RB1: variants seen among roughly 807,000 people sequenced by gnomAD.
RB1 encodes the protein retinoblastoma-associated protein.
In RB1, 18 loss-of-function variants were observed where a neutral mutation model predicts 135.4. That is an observed-to-expected ratio of 0.13 (90% CI 0.09 to 0.20). The LOEUF is 0.20. Among genes scored for constraint, RB1 ranks in the 10% least tolerant of loss-of-function variants. RB1 has a pLI of 1.00. For missense variants in RB1, 868 were observed against 1,110.0 expected (o/e 0.78, Z 3.10); for synonymous variants, 365 against 373.2 (o/e 0.98, Z 0.25).
Position 48,346,956 on chromosome 13 carries a change from G to GT in RB1, c.501-858dup, listed in dbSNP as rs11352741. 4.6e-3 allele frequency among the ~76,000 whole-genome samples: 671 copies of GT among 146,990 alleles called. 4 individuals carry two copies. The highest frequency in any genetic ancestry group is 0.013 in the African/African-American group (538 of 40,364). Reference sequence around the variant, plus strand: ...TACTTTAAGATCTATAATCATCAGGGTTTTTTTTTTTCTAGATATAGAATT... The same window carrying GT: ...TACTTTAAGATCTATAATCATCAGGGTTTTTTTTTTTTCTAGATATAGAATT... On this transcript the variant is annotated intron_variant, in intron 4 of 26. Transcript: ENST00000267163.
intron 17 of RB1, among the ~76,000 whole-genome samples, chr13:48,409,874 C>T (rs187477230): frequency 6.6e-6 from 1 of 151,820 alleles, no homozygotes; most frequent in Admixed American, 6.6e-5. Context: ...CCACCGTGCC[C>T]GGCCTGAATT....
At chr13:48,329,529 G>GT (rs1464720057) in intron 2 of RB1, among the ~76,000 whole-genome samples, 1 of 152,108 alleles carries the variant, frequency 6.6e-6, no homozygotes, top group Non-Finnish European at 1.5e-5. Context: ...AAACATATAG[G>GT]TTTTTTAAAG....
chr13:48,390,774 C>G (rs1013077869), intron 17 of RB1, among the ~76,000 whole-genome samples: 1 of 152,176 alleles, frequency 6.6e-6, no homozygotes, highest in African/African-American at 2.4e-5. Flanking sequence ...ACTAGTGAAG[C>G]CATTCCAGCT....
chr13:48,348,822 A>C, intron 5 of RB1, 134 bp from the exon 6 acceptor site: 2 of 973,982 alleles, frequency 2.1e-6, no homozygotes, highest in Non-Finnish European at 2.9e-6. Flanking sequence ...AATGGACTGC[A>C]TTCTATTATG....
chr13:48,426,976 C>T (rs1593506956), intron 17 of RB1: 1 of 152,612 alleles, frequency 6.6e-6, no homozygotes, highest in Non-Finnish European at 1.5e-5. Flanking sequence ...CACGTGGTGA[C>T]AATAGGAGCA....
At chr13:48,422,736 A>G (rs927537056) in intron 17 of RB1, 1 of 152,148 alleles carries the variant, frequency 6.6e-6, no homozygotes, top group Non-Finnish European at 1.5e-5. Flanking sequence ...TTGAGACTGC[A>G]GTGAGCTTTG....
intron 17 of RB1, among the ~76,000 whole-genome samples, chr13:48,451,140 G>A (rs1468292998): frequency 2.6e-5 from 4 of 152,154 alleles, no homozygotes; most frequent in Non-Finnish European, 5.9e-5. Context: ...TCTCTTGCCT[G>A]ATTGCCCTGG....
At chr13:48,452,193 T>C (rs1311362793) in intron 17 of RB1, among the ~76,000 whole-genome samples, 1 of 152,082 alleles carries the variant, frequency 6.6e-6, no homozygotes, top group Non-Finnish European at 1.5e-5. Flanking sequence ...AGTATCAATA[T>C]TGTACTAGCT....
rs576194395 is a variant in RB1 at position 48,358,968 on chromosome 13, A to G, written c.608-1049A>G. Among the ~76,000 whole-genome samples, 716 of 152,240 alleles carry G rather than the reference A, an allele frequency of 4.7e-3. 12 individuals are homozygous for G. Among genetic ancestry groups the G allele is most frequent in the South Asian group, 0.025 (120 of 4,824 alleles). On this transcript the variant is annotated intron_variant, in intron 6 of 26. Coordinates refer to ENST00000267163, the MANE Select transcript of RB1 (RefSeq NM_000321.3). ...ATTGCAGACATATTTTTTGCACCAT[A>G]CCATTGTATCTAGAAAACCTATAAA...
intron 8 of RB1, among the ~76,000 whole-genome samples, chr13:48,363,231 G>A (rs1198897855): frequency 6.7e-6 from 1 of 150,300 alleles, no homozygotes; most frequent in Admixed American, 6.6e-5. Context: ...TTCCTCTGAG[G>A]TTACTGATAC....
intron 2 of RB1, among the ~76,000 whole-genome samples, chr13:48,322,968 C>T (rs73487091): frequency 0.03 from 4,580 of 151,440 alleles, 221 homozygotes; most frequent in African/African-American, 0.1. Context: ...AGATTTTGGT[C>T]TTTAGTTTTT....
chr13:48,425,458 A>G (rs776711492), intron 17 of RB1, among the ~76,000 whole-genome samples: 2 of 152,244 alleles, frequency 1.3e-5, no homozygotes, highest in African/African-American at 2.4e-5. Flanking sequence ...TTAGTTGGGT[A>G]AGGCTAGGTG....
chr13:48,457,248 C>T (rs1949366376), intron 19 of RB1, among the ~76,000 whole-genome samples: 2 of 152,318 alleles, frequency 1.3e-5, no homozygotes, highest in Admixed American at 1.3e-4. Flanking sequence ...GGTAGCTCCT[C>T]TCTGCAGGCA....
chr13:48,403,371 C>T lies in RB1; in HGVS notation c.1695+21928C>T, dbSNP rs116514109. 1.0e-2 allele frequency among the ~76,000 whole-genome samples: 1,516 copies of T among 152,170 alleles called. 36 individuals are homozygous for T. Among genetic ancestry groups the T allele is most frequent in the African/African-American group, 0.035 (1,438 of 41,488 alleles). ...AGACACATATCACAGGGGAGTGAAA[C>T]CCAGCAGTACTCAGACTGTGAAGCA... is the stretch of plus-strand genomic sequence containing the variant. On this transcript the variant is annotated intron_variant, in intron 17 of 26. Coordinates refer to ENST00000267163, the MANE Select transcript of RB1 (RefSeq NM_000321.3).
intron 17 of RB1, among the ~76,000 whole-genome samples, chr13:48,398,348 T>G (rs1948664312): frequency 6.6e-6 from 1 of 152,148 alleles, no homozygotes. Flanking sequence ...GTTTCTCAAG[T>G]GATTTAGGAG....
At chr13:48,430,009 A>C (rs1306830889) in intron 17 of RB1, among the ~76,000 whole-genome samples, 1 of 152,208 alleles carries the variant, frequency 6.6e-6, no homozygotes, top group Admixed American at 6.5e-5. Context: ...TTTTCAGTGC[A>C]TGTTTTTACA....
chr13:48,460,250 A>G (rs1305746485), intron 20 of RB1, among the ~76,000 whole-genome samples: 4 of 152,066 alleles, frequency 2.6e-5, no homozygotes, highest in Non-Finnish European at 1.5e-5. Context: ...GATTACAGGC[A>G]TGAGCCACCG....
At chr13:48,350,819 G>A (rs1952541077) in intron 6 of RB1, among the ~76,000 whole-genome samples, 2 of 152,138 alleles carry the variant, frequency 1.3e-5, no homozygotes, top group South Asian at 2.1e-4. Context: ...TTATAAGTGA[G>A]GCCATGCAGT....
intron 8 of RB1, among the ~76,000 whole-genome samples, chr13:48,364,445 A>G (rs549544145): frequency 3.9e-5 from 6 of 152,272 alleles, no homozygotes; most frequent in African/African-American, 1.4e-4. Context: ...TTTTCCTAAT[A>G]TTTTCTTTTC....
Sources: gnomAD v4.1 joint callset for allele counts (sites outside exome capture counted in the v4.1 genomes callset) on GRCh38, gnomAD v4.1.1 for gene constraint, MANE v1.5 for transcripts, NCBI Gene and HGNC (gene_info 2026-07-23, HGNC 2026-07-21) for gene names.